Variants in RGS5 observed in about 807,000 individuals in gnomAD.
The protein encoded by RGS5 is regulator of G-protein signalling 5.
In RGS5, 20 loss-of-function variants were observed where a neutral mutation model predicts 18.9. The ratio of observed to expected loss-of-function variants is 1.06; its 90% CI spans 0.74 to 1.54. The LOEUF (loss-of-function observed/expected upper bound fraction) is 1.54, where lower values mean the gene tolerates loss of function less well. Ranked by LOEUF, RGS5 falls within the 40% of genes most tolerant of loss-of-function variation. The probability of loss-of-function intolerance (pLI) is 0.00; values close to 1 mark genes in which losing one functional copy is unlikely to be tolerated. For synonymous variants in RGS5, 57 were observed against 76.2 expected, an observed-to-expected ratio of 0.75 and a Z score of 1.31; for missense variants, 201 against 211.8, an observed-to-expected ratio of 0.95 and a Z score of 0.32.
At chr1:163,263,336 G>GC (rs1396654277) in intron 2 of RGS5, among the ~76,000 whole-genome samples, 1 of 152,070 alleles carries the variant, frequency 6.6e-6, no homozygotes, top group Admixed American at 6.5e-5. Context: ...TCAGATTCTT[G>GC]AACTAGGTTC....
chr1:163,230,541 C>G (rs142314824), intron 2 of RGS5, among the ~76,000 whole-genome samples: 158 of 152,238 alleles, frequency 1.0e-3, no homozygotes, highest in African/African-American at 3.7e-3. Flanking sequence ...TGACTCTCCC[C>G]ACACCTTGGC....
intron 1 of RGS5, among the ~76,000 whole-genome samples, chr1:163,192,753 CTG>C (rs1285976087): frequency 6.6e-6 from 1 of 152,206 alleles, no homozygotes; most frequent in Non-Finnish European, 1.5e-5. Flanking sequence ...CTCTGAAAGT[CTG>C]TCATCCAGCA....
At chr1:163,313,612 C>G (rs1649932585) in intron 1 of RGS5, among the ~76,000 whole-genome samples, 1 of 152,124 alleles carries the variant, frequency 6.6e-6, no homozygotes, top group African/African-American at 2.4e-5. Context: ...ACACATAATC[C>G]CTTGAACAAC....
At chr1:163,162,019 G>A (rs1356791048) in intron 2 of RGS5, 43 bp from the exon 3 acceptor site, 1 of 1,380,234 alleles carries the variant, frequency 7.2e-7, no homozygotes, top group Non-Finnish European at 1.0e-6. Context: ...GGCGTAAGTA[G>A]GCATTGAACC....
At chr1:163,230,297 T>C (rs932367043) in intron 2 of RGS5, among the ~76,000 whole-genome samples, 1 of 152,172 alleles carries the variant, frequency 6.6e-6, no homozygotes, top group African/African-American at 2.4e-5. Flanking sequence ...TTTGTGAACA[T>C]TGAAAGGAGA....
At chr1:163,207,828 G>A (rs944395945), upstream of RGS5, among the ~76,000 whole-genome samples, 1 of 151,908 alleles carries the variant, frequency 6.6e-6, no homozygotes, top group Non-Finnish European at 1.5e-5. Context: ...GGAGATGAAA[G>A]ACACTAAGAA....
chr1:163,248,235 C>A (rs1647998229), intron 2 of RGS5: 1 of 152,170 alleles, frequency 6.6e-6, no homozygotes, highest in Admixed American at 6.5e-5. Context: ...GAGAGCATAA[C>A]TGGATCTCAT....
At chr1:163,244,592 A>G (rs1647879754) in intron 2 of RGS5, 4 of 152,232 alleles carry the variant, frequency 2.6e-5, no homozygotes, top group Admixed American at 2.0e-4. Flanking sequence ...AATGAAAAAT[A>G]AAGTAAATTA....
In RGS5 at chr1:163,147,278, G is replaced by A. The variant is rs1269457858; in HGVS notation, c.*64C>T. 1 of 1,477,326 alleles carries A rather than the reference G, an allele frequency of 6.8e-7. No individual in the cohort carries two copies. The highest frequency in any genetic ancestry group is 9.1e-7 in the Non-Finnish European group (1 of 1,102,022). 91.5% of individuals were successfully genotyped at this position (1,477,326 alleles called of 1,614,324 possible). ...GCTGTGGGAAGATATGTAGATTAAT[G>A]GGAAATGCAGGGTTATTATGGAGGA... is the stretch of plus-strand genomic sequence containing the variant. On this transcript the variant is annotated 3_prime_UTR_variant, in exon 5 of 5. Transcript: ENST00000313961.
upstream of RGS5, among the ~76,000 whole-genome samples, chr1:163,218,588 T>C (rs1447071682): frequency 6.6e-6 from 1 of 151,754 alleles, no homozygotes; most frequent in Non-Finnish European, 1.5e-5. Flanking sequence ...CAAAATAAAA[T>C]ATGTAAAAAT....
chr1:163,239,900 C>T (rs115919878), intron 2 of RGS5, among the ~76,000 whole-genome samples: 335 of 152,218 alleles, frequency 2.2e-3, no homozygotes, highest in Middle Eastern at 6.8e-3. Context: ...GAAGCAAAAA[C>T]GTTTATTAAT....
At chr1:163,216,296 G>A (rs913592397) in intron 1 of RGS5, among the ~76,000 whole-genome samples, 1 of 152,080 alleles carries the variant, frequency 6.6e-6, no homozygotes, top group Non-Finnish European at 1.5e-5. Flanking sequence ...AAGAGAGGGG[G>A]ACATGAGGCA....
intron 3 of RGS5, among the ~76,000 whole-genome samples, chr1:163,158,659 T>C (rs1473148689): frequency 2.0e-5 from 3 of 151,978 alleles, no homozygotes; most frequent in Admixed American, 2.0e-4. Flanking sequence ...ATCACATGCT[T>C]CACAAAGCAA....
chr1:163,181,707 C>A (rs1426302034), intron 1 of RGS5, among the ~76,000 whole-genome samples: 3 of 152,010 alleles, frequency 2.0e-5, no homozygotes, highest in African/African-American at 7.3e-5. Context: ...AGGATGGGTG[C>A]CTTGTCTTAC....
chr1:163,163,048 G>A (rs1054013838), intron 2 of RGS5, among the ~76,000 whole-genome samples: 6 of 140,774 alleles, frequency 4.3e-5, no homozygotes, highest in Non-Finnish European at 9.3e-5. Context: ...TCGGGGGGGG[G>A]GGTGGTTAAT....
In RGS5 at chr1:163,222,656, G is replaced by A. The variant is rs564252340; in HGVS notation, c.-280-54288C>T. Among the ~76,000 whole-genome samples, 7 of 152,278 alleles carry A rather than the reference G, an allele frequency of 4.6e-5. No homozygotes were observed. The South Asian group carries it at 1.5e-3, about 32-fold the overall frequency. ...ATCTTTACAGTGTATACTTGTGACA[G>A]AGCAACAGAGAAGATTCTCAAGGAG... On this transcript the variant is annotated intron_variant, in intron 2 of 5. Coordinates refer to the RGS5 transcript ENST00000618415.
chr1:163,265,332 C>T (rs998990555), intron 2 of RGS5, among the ~76,000 whole-genome samples: 15 of 151,946 alleles, frequency 9.9e-5, no homozygotes, highest in Non-Finnish European at 1.8e-4. Flanking sequence ...TATATTCATC[C>T]CCACTATTTT....
intron 2 of RGS5, among the ~76,000 whole-genome samples, chr1:163,243,687 T>C (rs914796984): frequency 7.7e-6 from 1 of 130,668 alleles, no homozygotes; most frequent in Non-Finnish European, 1.6e-5. Context: ...GGTTGATAGG[T>C]GCAGCAAACC....
chr1:163,238,669 AT>A, intron 2 of RGS5: 6 of 276,570 alleles, frequency 2.2e-5, no homozygotes, highest in Admixed American at 4.1e-5. Context: ...AACTGAAAAA[AT>A]TTTTGTTGGT....
Sources: gnomAD v4.1 joint callset for allele counts (sites outside exome capture counted in the v4.1 genomes callset) on GRCh38, gnomAD v4.1.1 for gene constraint, MANE v1.5 for transcripts, NCBI Gene and HGNC (gene_info 2026-07-23, HGNC 2026-07-21) for gene names.